Variants in ATM observed in about 807,000 individuals in gnomAD.
ATM encodes serine-protein kinase ATM.
ATM carries 308 observed loss-of-function variants against 387.0 expected under a neutral mutation model. The observed-to-expected ratio is 0.80, with a 90% CI of 0.73 to 0.87. The LOEUF (loss-of-function observed/expected upper bound fraction) is 0.87, where lower values mean the gene tolerates loss of function less well. Among genes scored for constraint, ATM ranks in the 40% least tolerant of loss-of-function variants. The pLI is 0.00. For missense variants in ATM, 3,312 were observed against 3,560.9 expected (o/e 0.93, Z 1.78); for synonymous variants, 1,156 against 1,187.3 (o/e 0.97, Z 0.54).
rs376159946 is a variant in ATM, at chr11:108,329,053, A to C, written c.7122A>C (p.Glu2374Asp). 8.7e-6 allele frequency: 14 copies of C among 1,613,994 alleles called. No homozygotes were observed. The highest frequency in any genetic ancestry group is 1.1e-5 in the Non-Finnish European group (13 of 1,180,006). Residue 2374 changes from glutamate to aspartate, a missense_variant, in exon 49 of 63, where the codon GAA becomes GAC. Around this residue, in one of 4 missense-constraint regions of ATM, gnomAD observed 1,405 missense variants for 1,604.4 expected, o/e 0.88. Coordinates refer to ENST00000675843, the MANE Select transcript of ATM (RefSeq NM_000051.4). The part of the protein sequence containing the change: ...AVEVAGNYDG[E>D]SSDELRNGKM... ...AAGTTGCTGGAAATTATGATGGAGA[A>C]AGTAGTGATGAGCTAAGAAATGGAA...
intron 61 of ATM, among the ~76,000 whole-genome samples, chr11:108,364,615 A>G (rs910468522): frequency 6.6e-6 from 1 of 152,166 alleles, no homozygotes; most frequent in Non-Finnish European, 1.5e-5. Flanking sequence ...AGAATTTCAG[A>G]TTTGTTACTG....
intron 39 of ATM, among the ~76,000 whole-genome samples, chr11:108,312,159 A>C (rs1197060014): frequency 6.6e-6 from 1 of 152,222 alleles, no homozygotes; most frequent in Non-Finnish European, 1.5e-5. Context: ...TAAACAATCC[A>C]ATCTCTTTAT....
intron 35 of ATM, 32 bp downstream of exon 35, chr11:108,301,821 C>T (rs761950823): frequency 6.2e-7 from 1 of 1,607,206 alleles, no homozygotes; most frequent in Non-Finnish European, 8.5e-7. Context: ...TATTGAATAC[C>T]CAGCATATCT....
chr11:108,255,172 A>G (rs1254838778), intron 13 of ATM, among the ~76,000 whole-genome samples: 2 of 152,182 alleles, frequency 1.3e-5, no homozygotes, highest in Non-Finnish European at 2.9e-5. Flanking sequence ...TAAAGCCTAC[A>G]ATCCATTCAA....
At chr11:108,305,092 C>G (rs894642087) in intron 37 of ATM, among the ~76,000 whole-genome samples, 4 of 152,180 alleles carry the variant, frequency 2.6e-5, no homozygotes, top group African/African-American at 9.7e-5. Flanking sequence ...TACATTTTGG[C>G]TATTGATAAT....
rs1178661659 is a variant in ATM, at chr11:108,343,291, CTTG to C, written c.8341_8343del (p.Val2781del). The C allele has an allele frequency of 6.2e-7, 1 of 1,613,838 alleles. No homozygotes were observed. The highest frequency in any genetic ancestry group is 1.7e-5 in the Admixed American group (1 of 59,978). On this transcript the variant is annotated inframe_deletion, in exon 57 of 63. Transcript: ENST00000675843. ...AGGAACTGTCCCCATTGGTGAATTT[CTTG>C]TTAACAATGAAGATGGTGCTCATAA...
At position 108,330,316 on chromosome 11, in the gene ATM, T is replaced by C. The variant is rs1555123144; in HGVS notation, c.7410T>C (p.Tyr2470=). The C allele has an allele frequency of 1.2e-6, 2 of 1,614,216 alleles. No homozygotes were observed. Among genetic ancestry groups the C allele is most frequent in the African/African-American group, 1.3e-5 (1 of 75,080 alleles). The part of the protein sequence containing the change: ...KRFLCKAVEN[Y]INCLLSGEEH... ...TCTTATGTAAAGCAGTTGAAAATTA[T>C]ATCAACTGCTTATTAAGTGGAGAAG... Residue 2470 remains tyrosine (Y), a synonymous_variant, in exon 50 of 63, where the codon TAT becomes TAC. Transcript: ENST00000675843.
chr11:108,344,488 G>T (rs1024539253), intron 57 of ATM, among the ~76,000 whole-genome samples: 1 of 152,130 alleles, frequency 6.6e-6, no homozygotes, highest in African/African-American at 2.4e-5. Flanking sequence ...AAAGGAGTTT[G>T]CACCTTATGC....
At chr11:108,331,853 T>C in intron 51 of ATM, 26 bp from the exon 52 acceptor site, 1 of 1,610,556 alleles carries the variant, frequency 6.2e-7, no homozygotes, top group South Asian at 1.1e-5. Flanking sequence ...TTTATTTGCA[T>C]AAATCTAATA....
At chr11:108,235,939 A>G (rs2079256086) in intron 5 of ATM, 105 bp downstream of exon 5, 2 of 1,245,406 alleles carry the variant, frequency 1.6e-6, no homozygotes, top group South Asian at 2.4e-5. Context: ...GTGACCTGAC[A>G]GTTTAACAGT....
rs79429454 is a variant in ATM at position 108,355,214 on chromosome 11, A to C, written c.8850+340A>C. 628 of 292,962 alleles carry C rather than the reference A, an allele frequency of 2.1e-3. 6 individuals carry two copies. Among genetic ancestry groups the C allele is most frequent in the African/African-American group, 0.013 (589 of 46,032 alleles). The allele number at this position is 292,962 out of a possible 1,614,324, so 18.1% of individuals were successfully genotyped here. The stretch of plus-strand genomic sequence containing the variant: ...AGGGTTTAAGAAAAATCAGAAATTT[A>C]TATCTCCTTTTTCCCTGCTCAGGTT... On this transcript the variant is annotated intron_variant, in intron 61 of 62. Transcript: ENST00000675843.
intron 59 of ATM, among the ~76,000 whole-genome samples, chr11:108,348,743 T>A (rs1172766958): frequency 6.6e-6 from 1 of 152,174 alleles, no homozygotes; most frequent in African/African-American, 2.4e-5. Context: ...AAATAATATA[T>A]TGAGAGGAGA....
At chr11:108,229,632 T>C (rs1408155851) in intron 4 of ATM, 3 of 252,112 alleles carry the variant, frequency 1.2e-5, no homozygotes, top group African/African-American at 4.6e-5. Context: ...AGTTCAAATA[T>C]TTGGGGAAAT....
chr11:108,338,109 G>T (rs2033064955), intron 56 of ATM, among the ~76,000 whole-genome samples: 1 of 152,268 alleles, frequency 6.6e-6, no homozygotes, highest in Non-Finnish European at 1.5e-5. Context: ...AGTACTTCAG[G>T]AGGCCGAGGT....
chr11:108,360,233 A>C (rs1339266684), intron 61 of ATM, among the ~76,000 whole-genome samples: 3 of 147,162 alleles, frequency 2.0e-5, no homozygotes, highest in Non-Finnish European at 4.5e-5. Flanking sequence ...ACACTCTCCC[A>C]AGACTAAACC....
At chr11:108,265,502 A>T (rs1266064213) in intron 16 of ATM, among the ~76,000 whole-genome samples, 1 of 152,186 alleles carries the variant, frequency 6.6e-6, no homozygotes, top group Non-Finnish European at 1.5e-5. Flanking sequence ...TTAAAGACTT[A>T]AACATTAGAC....
At chr11:108,303,673 A>G (rs2083538470) in intron 36 of ATM, among the ~76,000 whole-genome samples, 1 of 152,174 alleles carries the variant, frequency 6.6e-6, no homozygotes. Context: ...ATTGAAAGCA[A>G]TGTAAGAAGC....
chr11:108,346,218 G>T (rs989953640), intron 58 of ATM, among the ~76,000 whole-genome samples: 1 of 151,924 alleles, frequency 6.6e-6, no homozygotes, highest in African/African-American at 2.4e-5. Context: ...TATTTTCTGA[G>T]ACTTTCTTTG....
intron 34 of ATM, among the ~76,000 whole-genome samples, chr11:108,301,421 CTG>C (rs1565476310): frequency 6.6e-6 from 1 of 152,122 alleles, no homozygotes; most frequent in Admixed American, 6.5e-5. Flanking sequence ...CACAATTAAA[CTG>C]TATTGAATGA....
Sources: gnomAD v4.1 joint callset for allele counts (sites outside exome capture counted in the v4.1 genomes callset) on GRCh38, gnomAD v4.1.1 for gene constraint, gnomAD v4.1.1 regional missense constraint, MANE v1.5 for transcripts, NCBI Gene and HGNC (gene_info 2026-07-23, HGNC 2026-07-21) for gene names.